Variants in KLK15 observed in about 807,000 individuals in gnomAD.
KLK15 encodes the protein kallikrein-15.
In KLK15, 19 loss-of-function variants were observed where a neutral mutation model predicts 21.1. The observed-to-expected ratio is 0.90, with a 90% confidence interval of 0.63 to 1.32. The LOEUF (loss-of-function observed/expected upper bound fraction) is 1.32. Ranked by LOEUF, KLK15 falls within the 40% of genes most tolerant of loss-of-function variation. KLK15 has a pLI of 0.00. For synonymous variants in KLK15, 141 were observed against 141.5 expected, an observed-to-expected ratio of 1.00 and a Z score of 0.03; for missense variants, 345 against 348.6, an observed-to-expected ratio of 0.99 and a Z score of 0.08.
rs1329496234 is a variant in KLK15 at position 50,830,997 on chromosome 19, GC to G, written c.43+452del. 1.9e-5 allele frequency: 3 copies of G among 154,038 alleles called. No homozygotes were observed. The East Asian group carries it at 5.7e-4, about 29-fold the overall frequency. The allele number at this position is 154,038 out of a possible 1,614,324, so 9.5% of individuals were successfully genotyped here. ...AGGGAGTGGCAGGTGTGGGACTCAA[GC>G]TGGAGTCTGTCTGTGCTGTTGGCCT... On this transcript the variant is annotated intron_variant, in intron 1 of 4. Transcript: ENST00000598239.
exon 5 of KLK15, chr19:50,825,787 C>T (rs1459432861): frequency 1.2e-6 from 2 of 1,612,494 alleles, no homozygotes; most frequent in South Asian, 1.1e-5. Context: ...AGGAGATAGG[C>T]TAGAATAGTC....
chr19:50,827,771 G>T, exon 2 of KLK15: 6 of 1,611,022 alleles, frequency 3.7e-6, no homozygotes, highest in South Asian at 2.2e-5. Flanking sequence ...TGGGAGTGGG[G>T]TGCACACTCG....
upstream of KLK15, among the ~76,000 whole-genome samples, chr19:50,832,372 G>A (rs1490549172): frequency 6.9e-6 from 1 of 144,152 alleles, no homozygotes; most frequent in Non-Finnish European, 1.5e-5. Flanking sequence ...GCCCAGGTTG[G>A]AGTGGAGTGG....
chr19:50,831,510 G>C, exon 1 of KLK15: 3 of 1,458,750 alleles, frequency 2.1e-6, no homozygotes, highest in Non-Finnish European at 2.7e-6. Context: ...GAGGGACCAG[G>C]GTTCGGCTGC....
At chr19:50,832,322 C>CTCTT (rs1555766937), upstream of KLK15, among the ~76,000 whole-genome samples, 3 of 109,440 alleles carry the variant, frequency 2.7e-5, no homozygotes, top group African/African-American at 1.0e-4. Flanking sequence ...CTTTTTTTTT[C>CTCTT]TTTTTTTTTT....
chr19:50,826,457 C>A (rs1485678584), intron 4 of KLK15, 164 bp downstream of exon 5: 7 of 777,132 alleles, frequency 9.0e-6, no homozygotes, highest in Non-Finnish European at 1.4e-5. Context: ...ACCTATAACC[C>A]CAACTCCAAC....
chr19:50,832,846 C>T (rs550559383), upstream of KLK15, among the ~76,000 whole-genome samples: 7 of 152,200 alleles, frequency 4.6e-5, no homozygotes, highest in Non-Finnish European at 1.0e-4. Context: ...GCCTCCCCTA[C>T]GAGACTGGCA....
chr19:50,831,404 G>A, intron 1 of KLK15, 46 bp downstream of exon 2: 1 of 1,347,092 alleles, frequency 7.4e-7, no homozygotes, highest in Non-Finnish European at 9.7e-7. Flanking sequence ...CTTGGGAAGG[G>A]GGCACCTGCT....
rs2089884800 is a variant in KLK15, at chr19:50,826,687, G to A, written c.552C>T (p.Tyr184=). 6 of 1,614,010 alleles carry A rather than the reference G, an allele frequency of 3.7e-6. No individual in the cohort carries two copies. The South Asian group carries it at 6.6e-5, about 18-fold the overall frequency. The change falls in exon 4 of 5, where the codon TAC becomes TAT. Residue 184 remains tyrosine (Y), a synonymous_variant. Coordinates refer to ENST00000598239, the Ensembl canonical transcript of KLK15. Reference sequence around the variant, plus strand: ...CCATGGTGTTTGTCAGGCGCCCTGGGTAGCTCTTGTCACAAGATGTGTCCG... The same window carrying A: ...CCATGGTGTTTGTCAGGCGCCCTGGATAGCTCTTGTCACAAGATGTGTCCG...
chr19:50,826,886 C>CG lies in KLK15; in HGVS notation c.472dup (p.Arg158ProfsTer24), dbSNP rs3212806. Reference sequence around the variant, plus strand: ...TCCATCCTTTCACGCACCTTGTGACCGGGGGCTCCCAGCGGTCCCAGGCTC... The same window carrying CG: ...TCCATCCTTTCACGCACCTTGTGACCGGGGGGCTCCCAGCGGTCCCAGGCTC... On this transcript the variant is annotated frameshift_variant, in exon 3 of 5. Coordinates refer to ENST00000598239, the Ensembl canonical transcript of KLK15. LOFTEE classifies it high-confidence loss of function. The CG allele has an allele frequency of 7.9e-5, 124 of 1,561,254 alleles. No homozygotes were observed. In the African/African-American group the frequency reaches 1.4e-3, roughly 17 times the overall value.
At chr19:50,825,833 T>G (rs759599392) in exon 5 of KLK15, 1 of 1,613,964 alleles carries the variant, frequency 6.2e-7, no homozygotes, top group Non-Finnish European at 8.5e-7. Flanking sequence ...CCACTCCAAG[T>G]AGTGGCAGAC....
At chr19:50,832,390 T>G (rs922360193), upstream of KLK15, among the ~76,000 whole-genome samples, 1 of 148,008 alleles carries the variant, frequency 6.8e-6, no homozygotes, top group African/African-American at 2.5e-5. Flanking sequence ...TGGCGTGATC[T>G]CCGCTCACTG....
At chr19:50,828,969 C>CAAAAA (rs3078002) in intron 1 of KLK15, among the ~76,000 whole-genome samples, 74 of 56,624 alleles carry the variant, frequency 1.3e-3, no homozygotes, top group Middle Eastern at 0.014. Context: ...AACTCCATCT[C>CAAAAA]AAAAAAAAAA....
chr19:50,826,935 C>A, exon 3 of KLK15: 1 of 1,592,552 alleles, frequency 6.3e-7, no homozygotes, highest in Non-Finnish European at 8.6e-7. Flanking sequence ...AGGCCCCAGC[C>A]AGACACCACA....
At chr19:50,826,463 C>T (rs543481723) in intron 4 of KLK15, 158 bp downstream of exon 5, 2 of 844,844 alleles carry the variant, frequency 2.4e-6, no homozygotes, top group East Asian at 2.8e-5. Flanking sequence ...AACCCCAACT[C>T]CAACCTCACC....
intron 3 of KLK15, 55 bp downstream of exon 4, chr19:50,826,823 C>T (rs757747312): frequency 1.3e-6 from 2 of 1,569,126 alleles, no homozygotes; most frequent in Non-Finnish European, 1.7e-6. Context: ...CGCCCAAGAG[C>T]CCTGGAGCAT....
chr19:50,831,788 C>A (rs1431266352), upstream of KLK15, among the ~76,000 whole-genome samples: 2 of 151,624 alleles, frequency 1.3e-5, no homozygotes, highest in Admixed American at 6.6e-5. Context: ...GATCTCTCTC[C>A]ATCATCACCA....
At chr19:50,832,110 C>T (rs567705950), upstream of KLK15, among the ~76,000 whole-genome samples, 8 of 133,950 alleles carry the variant, frequency 6.0e-5, no homozygotes, top group Admixed American at 2.3e-4. Context: ...CATGAGCCAC[C>T]GCGCCTGGTC....
downstream of KLK15, chr19:50,825,659 G>T: frequency 2.4e-6 from 2 of 825,092 alleles, no homozygotes; most frequent in Non-Finnish European, 3.7e-6. Context: ...CCTCAGGTGG[G>T]ACAAGTCCTT....
Sources: gnomAD v4.1 joint callset for allele counts (sites outside exome capture counted in the v4.1 genomes callset) on GRCh38, gnomAD v4.1.1 for gene constraint, MANE v1.5 for transcripts, NCBI Gene and HGNC (gene_info 2026-07-23, HGNC 2026-07-21) for gene names.